ASMT: variants seen among roughly 807,000 people sequenced by gnomAD.
The protein encoded by ASMT is acetylserotonin O-methyltransferase, also known as acetylserotonin N-methyltransferase.
In ASMT, 53 loss-of-function variants were observed where a neutral mutation model predicts 41.3. The ratio of observed to expected loss-of-function variants is 1.28; its 90% CI spans 1.03 to 1.61. The LOEUF is 1.61. Ranked by LOEUF, ASMT falls within the 40% of genes most tolerant of loss-of-function variation. ASMT has a pLI of 0.00. For synonymous variants in ASMT, 231 were observed against 184.8 expected (o/e 1.25, Z -2.03); for missense variants, 531 against 441.3 (o/e 1.20, Z -1.82).
intron 1 of ASMT, among the ~76,000 whole-genome samples, chrX:1,621,306 G>C (rs1405174186): frequency 1.3e-5 from 2 of 152,016 alleles, no homozygotes; most frequent in Non-Finnish European, 2.9e-5. Flanking sequence ...GAAATGCATG[G>C]ATGATTTATT....
rs553921482 is a variant in ASMT, at chrX:1,619,167, G to A, written c.69+3899G>A. ...TCCCAGCACTTTGGGAGGCCGAGGC[G>A]GGCGGATCACAAGGTCAGGAGTTCG... On this transcript the variant is annotated intron_variant, in intron 1 of 8. Transcript: ENST00000381241. Among the ~76,000 whole-genome samples, 155 of 152,004 alleles carry A rather than the reference G, an allele frequency of 1.0e-3. 1 individual carries two copies. In the South Asian group the frequency reaches 0.016, roughly 16 times the overall value.
At chrX:1,616,610 C>G (rs1934122703) in intron 1 of ASMT, among the ~76,000 whole-genome samples, 1 of 151,536 alleles carries the variant, frequency 6.6e-6, no homozygotes, top group South Asian at 2.1e-4. Flanking sequence ...GCGGTGACAC[C>G]TGTCATCCCA....
chrX:1,628,671 T>C (rs1934650369), intron 4 of ASMT, among the ~76,000 whole-genome samples: 1 of 149,806 alleles, frequency 6.7e-6, no homozygotes, highest in South Asian at 2.2e-4. Flanking sequence ...TTTCTCTCCT[T>C]TTCCTTCTCT....
chrX:1,643,051 C>A lies in ASMT; in HGVS notation c.*37C>A, dbSNP rs186610418. 2 of 1,599,996 alleles carry A rather than the reference C, an allele frequency of 1.3e-6. No homozygotes were observed. The highest frequency in any genetic ancestry group is 1.7e-6 in the Non-Finnish European group (2 of 1,167,180). ...GACCTGGAACTAACGTCAAAGCACA[C>A]AAGACATAATAATAAAGACATGTAC... On this transcript the variant is annotated 3_prime_UTR_variant, in exon 9 of 9. Coordinates refer to ENST00000381241, the MANE Select transcript of ASMT (RefSeq NM_001171038.2).
intron 7 of ASMT, among the ~76,000 whole-genome samples, chrX:1,635,112 C>CT (rs1327863799): frequency 6.7e-6 from 1 of 149,280 alleles, no homozygotes; most frequent in Non-Finnish European, 1.5e-5. Flanking sequence ...GTAGCTGGGA[C>CT]TACAGGCGCC....
intron 5 of ASMT, among the ~76,000 whole-genome samples, chrX:1,631,642 C>T (rs1312253004): frequency 6.6e-6 from 1 of 151,956 alleles, no homozygotes; most frequent in Non-Finnish European, 1.5e-5. Context: ...AGACCGGGCG[C>T]GGTGGCTCAC....
chrX:1,640,608 C>G (rs1353243106), intron 8 of ASMT, among the ~76,000 whole-genome samples: 1 of 28,784 alleles, frequency 3.5e-5, no homozygotes, highest in Non-Finnish European at 5.8e-5. Flanking sequence ...TGGGCACAGC[C>G]TCTGTGTGTG....
chrX:1,642,118 T>C (rs1603462000), intron 8 of ASMT, among the ~76,000 whole-genome samples: 1 of 139,118 alleles, frequency 7.2e-6, no homozygotes. Context: ...ATGGGGACGG[T>C]GTCCCAGTTC....
At chrX:1,624,016 G>A (rs55994235) in intron 2 of ASMT, among the ~76,000 whole-genome samples, 24,977 of 151,586 alleles carry the variant, frequency 0.16, 2,212 homozygotes, top group African/African-American at 0.26. Flanking sequence ...ATCTGCCTTT[G>A]TACTTGCTGC....
At chrX:1,642,163 G>A (rs1216563156) in intron 8 of ASMT, among the ~76,000 whole-genome samples, 4 of 147,908 alleles carry the variant, frequency 2.7e-5, no homozygotes, top group Admixed American at 1.4e-4. Context: ...TGGTCCATGA[G>A]GACATGGGCA....
rs1935245688 is a variant in ASMT, at chrX:1,642,920, C to A, written c.1028C>A (p.Thr343Asn). The change falls in exon 9 of 9, where the codon ACC becomes AAC. Residue 343 changes from threonine to asparagine, a missense_variant. By Grantham distance (65) the Thr-to-Asn change is moderately conservative (BLOSUM62 0). Transcript: ENST00000381241. ...ACGGAAGGGCAGGAGAGGACCCCCA[C>A]CCACTACCACATGCTCCTCTCTTCT... ...VQTEGQERTP[T>N]HYHMLLSSAG... The A allele has an allele frequency of 6.2e-7, 1 of 1,613,862 alleles. No individual in the cohort carries two copies. The highest frequency in any genetic ancestry group is 1.3e-5 in the African/African-American group (1 of 74,924).
intron 5 of ASMT, among the ~76,000 whole-genome samples, chrX:1,631,085 T>C (rs1302892211): frequency 1.1e-4 from 2 of 18,884 alleles, no homozygotes; most frequent in Non-Finnish European, 4.1e-4. Context: ...TAATTTTTTG[T>C]TTTTTTTTTT....
chrX:1,617,362 CG>C (rs1166272220), intron 1 of ASMT, among the ~76,000 whole-genome samples: 11 of 151,144 alleles, frequency 7.3e-5, no homozygotes, highest in African/African-American at 2.7e-4. Context: ...CCCATTTACT[CG>C]GGAGGCTGAG....
intron 1 of ASMT, among the ~76,000 whole-genome samples, chrX:1,620,752 G>T (rs77196708): frequency 0.12 from 17,605 of 151,836 alleles, 1,088 homozygotes; most frequent in Non-Finnish European, 0.14. Flanking sequence ...AGCCTGGCAT[G>T]GTGGCGGGCA....
rs190975207 is a variant in ASMT at position 1,616,067 on chromosome X, A to C, written c.69+799A>C. 9.3e-3 allele frequency among the ~76,000 whole-genome samples: 1,402 copies of C among 150,246 alleles called. 30 individuals carry two copies. The highest frequency in any genetic ancestry group is 0.033 in the African/African-American group (1,301 of 39,944). On this transcript the variant is annotated intron_variant, in intron 1 of 8. Coordinates refer to ENST00000381241, the MANE Select transcript of ASMT (RefSeq NM_001171038.2). ...TTTTTGAGCTGGAGTCTCACTCTGT[A>C]ACCCAGGCTGGAGTGCAGTGGCACG...
chrX:1,623,512 T>C (rs1419878468), intron 2 of ASMT, among the ~76,000 whole-genome samples, 199 bp downstream of exon 2: 1 of 152,066 alleles, frequency 6.6e-6, no homozygotes, highest in Non-Finnish European at 1.5e-5. Context: ...GGCAGGAGAA[T>C]GGCATGAACC....
intron 1 of ASMT, among the ~76,000 whole-genome samples, chrX:1,622,705 A>G (rs756639597): frequency 7.3e-4 from 110 of 151,222 alleles, no homozygotes; most frequent in African/African-American, 2.6e-3. Flanking sequence ...CGAGGTCAGA[A>G]GTTCGAGACC....
intron 8 of ASMT, among the ~76,000 whole-genome samples, chrX:1,641,849 C>CTG (rs1935186582): frequency 6.9e-6 from 1 of 145,016 alleles, no homozygotes; most frequent in South Asian, 2.2e-4. Context: ...GGCATGGCCT[C>CTG]TATGTGTGTG....
rs183536185 is a variant in ASMT, at chrX:1,626,881, G to T, written c.375-822G>T. Among the ~76,000 whole-genome samples the T allele has an allele frequency of 8.4e-4, 124 of 146,986 alleles. 3 individuals carry two copies. In the South Asian group the frequency reaches 0.012, roughly 15 times the overall value. ...CATCTCTACTAAAAAATACAAAAAT[G>T]AGCCAGGCATGGTGGCGGGTGCCTG... On this transcript the variant is annotated intron_variant, in intron 3 of 8. Transcript: ENST00000381241.
Sources: gnomAD v4.1 joint callset for allele counts (sites outside exome capture counted in the v4.1 genomes callset) on GRCh38, gnomAD v4.1.1 for gene constraint, MANE v1.5 for transcripts, NCBI Gene and HGNC (gene_info 2026-07-23, HGNC 2026-07-21) for gene names.